The following CD247 variants were observed in gnomAD, a reference collection of about 807,000 sequenced individuals.
CD247 encodes the protein CD247 molecule, also known as T-cell surface glycoprotein CD3 zeta chain.
A neutral mutation model predicts 30.0 loss-of-function variants in CD247; 13 were observed. That is an observed-to-expected ratio of 0.43 (90% confidence interval 0.28 to 0.69). The LOEUF (loss-of-function observed/expected upper bound fraction) is 0.69. CD247 is among the 30% of genes least tolerant of loss of function. CD247 has a pLI of 0.16. For missense variants in CD247, 193 were observed against 212.6 expected, an observed-to-expected ratio of 0.91 and a Z score of 0.57; for synonymous variants, 72 against 80.0, an observed-to-expected ratio of 0.90 and a Z score of 0.53.
At chr1:167,492,830 C>A (rs547332667) in intron 1 of CD247, among the ~76,000 whole-genome samples, 46 of 152,222 alleles carry the variant, frequency 3.0e-4, no homozygotes, top group African/African-American at 1.0e-3. Context: ...GAGGAACATG[C>A]CCCACAGTTA....
rs775332123 is a variant in CD247, at chr1:167,433,036, A to G, written c.417T>C (p.Asp139=). 2.4e-5 allele frequency: 38 copies of G among 1,614,128 alleles called. 1 individual carries two copies. The South Asian group carries it at 4.2e-4, about 18-fold the overall frequency. ...KGERRRGKGH[D]GLYQGLSTAT... ...CGGCAGCTCCTACCTGGTAAAGGCCATCGTGCCCCTTGCCCCTCCGGCGCT... is the reference window on the plus strand; with the variant it reads ...CGGCAGCTCCTACCTGGTAAAGGCCGTCGTGCCCCTTGCCCCTCCGGCGCT... The change falls in exon 7 of 8, where the codon GAT becomes GAC. Residue 139 remains aspartate, a synonymous_variant. Transcript: ENST00000362089.
intron 1 of CD247, among the ~76,000 whole-genome samples, chr1:167,456,672 G>A (rs1214150032): frequency 6.6e-6 from 1 of 152,160 alleles, no homozygotes; most frequent in African/African-American, 2.4e-5. Flanking sequence ...TTCTGGGTTG[G>A]ATGGGTCTGG....
At chr1:167,490,842 G>T (rs999256224) in intron 1 of CD247, among the ~76,000 whole-genome samples, 2 of 151,954 alleles carry the variant, frequency 1.3e-5, no homozygotes, top group African/African-American at 4.8e-5. Flanking sequence ...TTGAACATGG[G>T]CAGGAGAACT....
intron 1 of CD247, among the ~76,000 whole-genome samples, chr1:167,456,861 G>GC (rs1170043733): frequency 6.6e-6 from 1 of 152,124 alleles, no homozygotes; most frequent in Admixed American, 6.6e-5. Flanking sequence ...ACATTGCATG[G>GC]CCATCTTATG....
intron 1 of CD247, among the ~76,000 whole-genome samples, chr1:167,495,516 T>A (rs1208542085): frequency 6.6e-6 from 1 of 152,212 alleles, no homozygotes; most frequent in Non-Finnish European, 1.5e-5. Flanking sequence ...TGCCTACTTC[T>A]GCCCTTATTC....
At chr1:167,487,687 G>A (rs1002794406) in intron 1 of CD247, among the ~76,000 whole-genome samples, 3 of 152,200 alleles carry the variant, frequency 2.0e-5, no homozygotes, top group African/African-American at 7.2e-5. Flanking sequence ...AAAAGAATGA[G>A]TACCAGGCTA....
In CD247 at chr1:167,430,896, G is replaced by T. The variant is rs960397310; in HGVS notation, c.*785C>A. 10 of 398,724 alleles carry T rather than the reference G, an allele frequency of 2.5e-5. No homozygotes were observed. Among genetic ancestry groups the T allele is most frequent in the African/African-American group, 1.8e-4 (9 of 48,662 alleles). 24.7% of individuals were successfully genotyped at this position (398,724 alleles called of 1,614,324 possible). A position where few individuals can be genotyped will look rare whatever the true frequency, so the allele number is the denominator to read the frequency against. ...TGATTTTGTCATTCGCTGAAAGCGT[G>T]AAGTGAATCAACGGCCTCCTCTTGC... On this transcript the variant is annotated 3_prime_UTR_variant, in exon 8 of 8. Transcript: ENST00000362089.
chr1:167,489,246 T>G (rs1654340015), intron 1 of CD247, among the ~76,000 whole-genome samples: 1 of 152,204 alleles, frequency 6.6e-6, no homozygotes, highest in Admixed American at 6.5e-5. Flanking sequence ...TAATTTAAAC[T>G]ATATATGATA....
chr1:167,490,580 G>A (rs1039142260), intron 1 of CD247, among the ~76,000 whole-genome samples: 1 of 151,878 alleles, frequency 6.6e-6, no homozygotes, highest in East Asian at 1.9e-4. Flanking sequence ...CCGAGATCGC[G>A]CCACTGCACT....
chr1:167,503,094 C>T (rs1654978313), intron 1 of CD247, among the ~76,000 whole-genome samples: 1 of 152,198 alleles, frequency 6.6e-6, no homozygotes, highest in Non-Finnish European at 1.5e-5. Flanking sequence ...ACAACTGGAA[C>T]TTCATCCTGC....
At chr1:167,449,149 C>CTTTTTTTTTTTTTTTTT (rs71097676) in intron 1 of CD247, among the ~76,000 whole-genome samples, 3 of 66,420 alleles carry the variant, frequency 4.5e-5, no homozygotes, top group Non-Finnish European at 7.5e-5. Flanking sequence ...TTTTTCTTTT[C>CTTTTTTTTTTTTTTTTT]TTTTTTTTTT....
At chr1:167,486,560 C>T (rs1256513368) in intron 1 of CD247, among the ~76,000 whole-genome samples, 2 of 152,350 alleles carry the variant, frequency 1.3e-5, no homozygotes, top group Middle Eastern at 3.4e-3. Flanking sequence ...CTCGAGTTTG[C>T]GGATAGCATG....
intron 1 of CD247, among the ~76,000 whole-genome samples, chr1:167,496,128 T>C (rs1021885010): frequency 6.6e-6 from 1 of 152,212 alleles, no homozygotes; most frequent in Non-Finnish European, 1.5e-5. Flanking sequence ...ATTGGTTGAA[T>C]AAATAAATGA....
In CD247 at chr1:167,495,966, A is replaced by G. The variant is rs1393736019; in HGVS notation, c.58+22442T>C. Among the ~76,000 whole-genome samples, 6 of 152,012 alleles carry G rather than the reference A, an allele frequency of 3.9e-5. No homozygotes were observed. The East Asian group carries it at 1.2e-3, about 29-fold the overall frequency. On this transcript the variant is annotated intron_variant, in intron 1 of 7. Transcript: ENST00000362089. ...CTCAGCATGTATCACAACTATCTAC[A>G]TATTTTTCAGTTTACCTCGTTTATT...
At chr1:167,470,574 G>A (rs1466350189) in intron 1 of CD247, among the ~76,000 whole-genome samples, 1 of 143,194 alleles carries the variant, frequency 7.0e-6, no homozygotes, top group Non-Finnish European at 1.5e-5. Context: ...ATAAAAATTA[G>A]CCAAAAACCA....
At chr1:167,489,191 A>AC (rs1471492676) in intron 1 of CD247, among the ~76,000 whole-genome samples, 1 of 151,922 alleles carries the variant, frequency 6.6e-6, no homozygotes, top group Non-Finnish European at 1.5e-5. Context: ...GAAGGATCCA[A>AC]CCCCCCTTCC....
rs186546587 is a variant in CD247 at position 167,446,887 on chromosome 1, C to A, written c.59-6120G>T. On this transcript the variant is annotated intron_variant, in intron 1 of 7. Transcript: ENST00000362089. ...GCAGGCACCTGTGGTCCCAGCTGCT[C>A]AGGAGGCTGAGGCAGGAGAATGGTG... Among the ~76,000 whole-genome samples, 504 of 152,230 alleles carry A rather than the reference C, an allele frequency of 3.3e-3. 3 individuals carry two copies. Among genetic ancestry groups the A allele is most frequent in the African/African-American group, 0.01 (435 of 41,530 alleles).
chr1:167,440,116 C>T (rs767903223), intron 2 of CD247: 6 of 164,554 alleles, frequency 3.6e-5, no homozygotes, highest in Admixed American at 5.6e-5. Flanking sequence ...AAAATTCAAA[C>T]AAGAAATGGG....
intron 1 of CD247, among the ~76,000 whole-genome samples, chr1:167,471,713 C>T (rs1271220486): frequency 6.6e-6 from 1 of 152,152 alleles, no homozygotes; most frequent in Non-Finnish European, 1.5e-5. Flanking sequence ...AACGATCTTC[C>T]AGCCTCAGCC....
Sources: gnomAD v4.1 joint callset for allele counts (sites outside exome capture counted in the v4.1 genomes callset) on GRCh38, gnomAD v4.1.1 for gene constraint, MANE v1.5 for transcripts, NCBI Gene and HGNC (gene_info 2026-07-23, HGNC 2026-07-21) for gene names.